CADM1: variants seen among roughly 807,000 people sequenced by gnomAD.
The protein encoded by CADM1 is cell adhesion molecule 1.
CADM1 carries 15 observed loss-of-function variants against 53.1 expected under a neutral mutation model. The ratio of observed to expected loss-of-function variants is 0.28; its 90% CI spans 0.19 to 0.44. The LOEUF is 0.44. Among genes scored for constraint, CADM1 ranks in the 20% least tolerant of loss-of-function variants. The pLI is 1.00. For missense variants in CADM1, 434 were observed against 611.3 expected, an observed-to-expected ratio of 0.71 and a Z score of 3.06; for synonymous variants, 281 against 243.0, an observed-to-expected ratio of 1.16 and a Z score of -1.45.
intron 1 of CADM1, among the ~76,000 whole-genome samples, chr11:115,401,134 T>C (rs1269155527): frequency 6.6e-6 from 1 of 152,166 alleles, no homozygotes; most frequent in Non-Finnish European, 1.5e-5. Flanking sequence ...AACTGTGGTA[T>C]ACACAGACAA....
chr11:115,344,352 C>T (rs1236016059), intron 1 of CADM1, among the ~76,000 whole-genome samples: 2 of 152,180 alleles, frequency 1.3e-5, no homozygotes, highest in African/African-American at 4.8e-5. Context: ...CTTTAACTAT[C>T]ATTTCTCTAA....
intron 1 of CADM1, among the ~76,000 whole-genome samples, chr11:115,487,677 A>G (rs1476231264): frequency 6.6e-6 from 1 of 152,250 alleles, no homozygotes; most frequent in Non-Finnish European, 1.5e-5. Flanking sequence ...AAAACTGAAC[A>G]GTGGTTAAAG....
intron 1 of CADM1, among the ~76,000 whole-genome samples, chr11:115,373,457 C>T (rs962700184): frequency 6.6e-6 from 1 of 151,438 alleles, no homozygotes; most frequent in Non-Finnish European, 1.5e-5. Context: ...TGGTGGTGCA[C>T]GCCTGTAGTC....
intron 1 of CADM1, among the ~76,000 whole-genome samples, chr11:115,299,643 TC>T (rs1565351552): frequency 6.6e-6 from 1 of 152,180 alleles, no homozygotes; most frequent in Non-Finnish European, 1.5e-5. Context: ...ATTCTTATAT[TC>T]CTGCAGAGTT....
At chr11:115,216,505 A>G (rs1005092203) in intron 6 of CADM1, among the ~76,000 whole-genome samples, 5 of 152,210 alleles carry the variant, frequency 3.3e-5, no homozygotes, top group Admixed American at 3.3e-4. Flanking sequence ...ATTATTCTGG[A>G]AGAAAGCTGC....
Position 115,450,048 on chromosome 11 carries a change from G to A in CADM1, c.124+54223C>T, listed in dbSNP as rs568393031. 6.6e-5 allele frequency among the ~76,000 whole-genome samples: 10 copies of A among 151,566 alleles called. No individual in the cohort carries two copies. In the East Asian group the frequency reaches 1.4e-3, roughly 21 times the overall value. On this transcript the variant is annotated intron_variant, in intron 1 of 11. Coordinates refer to ENST00000331581, the MANE Select transcript of CADM1 (RefSeq NM_001301043.2). ...CTCACTCTAAAAACCTGCTAAAAAC[G>A]CTGAATGGAAAAAAAGCTGCTTTCA...
At chr11:115,448,206 A>G (rs951932854) in intron 1 of CADM1, among the ~76,000 whole-genome samples, 7 of 152,178 alleles carry the variant, frequency 4.6e-5, no homozygotes, top group Admixed American at 4.6e-4. Flanking sequence ...TTAAAAGGCA[A>G]TTGTTTCCCT....
intron 1 of CADM1, among the ~76,000 whole-genome samples, chr11:115,248,463 T>C (rs184881250): frequency 2.0e-5 from 3 of 152,264 alleles, no homozygotes; most frequent in African/African-American, 7.2e-5. Context: ...CTCTATAGAA[T>C]GTTTATGCGG....
chr11:115,355,763 A>G (rs1306351054), intron 1 of CADM1, among the ~76,000 whole-genome samples: 1 of 151,940 alleles, frequency 6.6e-6, no homozygotes, highest in Non-Finnish European at 1.5e-5. Flanking sequence ...AAGCAGGCTG[A>G]TTTTACTGAA....
chr11:115,269,265 T>C (rs932716895), intron 1 of CADM1, among the ~76,000 whole-genome samples: 58 of 152,050 alleles, frequency 3.8e-4, no homozygotes, highest in African/African-American at 1.2e-3. Context: ...TCCCCAACTC[T>C]CTAAATTCCC....
At chr11:115,239,972 T>C (rs1190641302) in intron 2 of CADM1, among the ~76,000 whole-genome samples, 1 of 152,188 alleles carries the variant, frequency 6.6e-6, no homozygotes, top group Non-Finnish European at 1.5e-5. Context: ...TGTATTTTCC[T>C]TGCCTTACCC....
intron 1 of CADM1, among the ~76,000 whole-genome samples, chr11:115,496,424 T>C (rs747480797): frequency 1.3e-5 from 2 of 152,148 alleles, no homozygotes; most frequent in Non-Finnish European, 2.9e-5. Flanking sequence ...AGAACCACTT[T>C]CTTCCTCAGT....
chr11:115,363,639 C>G (rs1406464227), intron 1 of CADM1: 5 of 152,184 alleles, frequency 3.3e-5, no homozygotes, highest in African/African-American at 1.2e-4. Flanking sequence ...GTCCACTGAT[C>G]ATTGCATCAG....
intron 1 of CADM1, chr11:115,340,200 A>C (rs1287249402): frequency 6.6e-6 from 1 of 152,166 alleles, no homozygotes; most frequent in Non-Finnish European, 1.5e-5. Flanking sequence ...TGACTACCTA[A>C]GATTCATATC....
intron 1 of CADM1, among the ~76,000 whole-genome samples, chr11:115,414,226 A>G (rs1947534813): frequency 6.6e-6 from 1 of 152,178 alleles, no homozygotes; most frequent in Non-Finnish European, 1.5e-5. Context: ...CGGAGTAGAA[A>G]AAAAACACCC....
chr11:115,191,020 T>A (rs1770329274), intron 9 of CADM1, 79 bp from the exon 10 acceptor site: 1 of 1,231,318 alleles, frequency 8.1e-7, no homozygotes, highest in Non-Finnish European at 1.1e-6. Context: ...GAGGATGAAT[T>A]TCTTTAAAAA....
chr11:115,457,053 T>C (rs1487879312), intron 1 of CADM1, among the ~76,000 whole-genome samples: 1 of 152,154 alleles, frequency 6.6e-6, no homozygotes, highest in African/African-American at 2.4e-5. Flanking sequence ...TACCACATAC[T>C]GAGTGCCTAC....
chr11:115,260,342 G>A lies in CADM1; in HGVS notation c.125-19922C>T, dbSNP rs118018143. ...GGTAGAGCTCAACACTCTAAGAAAT[G>A]GTTCCCTTCCGTGGTTTGTATCAGG... On this transcript the variant is annotated intron_variant, in intron 1 of 11. Transcript: ENST00000331581. Among the ~76,000 whole-genome samples, 635 of 152,328 alleles carry A rather than the reference G, an allele frequency of 4.2e-3. 2 individuals carry two copies. Among genetic ancestry groups the A allele is most frequent in the South Asian group, 0.012 (57 of 4,814 alleles).
intron 1 of CADM1, among the ~76,000 whole-genome samples, chr11:115,484,239 C>T (rs1004032588): frequency 6.6e-6 from 1 of 152,230 alleles, no homozygotes; most frequent in African/African-American, 2.4e-5. Flanking sequence ...CACAGTCTTT[C>T]TGGATGTCGT....
Sources: allele counts gnomAD v4.1 joint callset (sites outside exome capture counted in the v4.1 genomes callset), GRCh38; gene constraint gnomAD v4.1.1; transcripts MANE v1.5; gene names NCBI Gene and HGNC (gene_info 2026-07-23, HGNC 2026-07-21).